Variants in DMD observed in about 807,000 individuals in gnomAD.
DMD encodes mutant dystrophin.
In DMD, 63 loss-of-function variants were observed where a neutral mutation model predicts 330.1. The ratio of observed to expected loss-of-function variants is 0.19; its 90% CI spans 0.16 to 0.24. The LOEUF (loss-of-function observed/expected upper bound fraction) is 0.24, where lower values mean the gene tolerates loss of function less well. Ranked by LOEUF, DMD falls within the 10% of genes least tolerant of loss-of-function variation. The pLI is 1.00. For missense variants in DMD, 3,344 were observed against 2,684.1 expected (o/e 1.25, Z -5.43); for synonymous variants, 1,223 against 959.8 (o/e 1.27, Z -5.07).
intron 2 of DMD, among the ~76,000 whole-genome samples, chrX:32,883,142 A>G (rs1452644663): frequency 8.9e-6 from 1 of 111,861 alleles, no homozygotes; most frequent in Non-Finnish European, 1.9e-5. Flanking sequence ...GCCAATCCAC[A>G]CTCTTAGTCA....
intron 51 of DMD, among the ~76,000 whole-genome samples, chrX:31,751,986 C>T (rs997799511): frequency 8.9e-6 from 1 of 111,888 alleles, no homozygotes; most frequent in African/African-American, 3.2e-5. Flanking sequence ...GCCTGCATTT[C>T]TTGGCTCTTG....
intron 9 of DMD, among the ~76,000 whole-genome samples, chrX:32,657,205 G>C (rs894178790): frequency 9.0e-6 from 1 of 110,798 alleles, no homozygotes; most frequent in Non-Finnish European, 1.9e-5. Context: ...ATAAAATCAA[G>C]AAGGAAGAAA....
intron 21 of DMD, among the ~76,000 whole-genome samples, chrX:32,478,337 A>T (rs1325368580): frequency 8.9e-6 from 1 of 111,906 alleles, no homozygotes; most frequent in East Asian, 2.8e-4. Context: ...TGAGCCTTTA[A>T]TTCCATGCCA....
At chrX:31,260,905 C>G in intron 63 of DMD, 50 bp downstream of exon 63, 1 of 1,131,954 alleles carries the variant, frequency 8.8e-7, no homozygotes, top group Non-Finnish European at 1.2e-6. Flanking sequence ...CTACTTTATC[C>G]TAAAGGTCAC....
intron 44 of DMD, among the ~76,000 whole-genome samples, chrX:32,138,114 A>T (rs2096735944): frequency 9.1e-6 from 1 of 110,435 alleles, no homozygotes; most frequent in Non-Finnish European, 1.9e-5. Flanking sequence ...CCCCAGTTGG[A>T]GACAAGAGCA....
intron 59 of DMD, among the ~76,000 whole-genome samples, chrX:31,452,475 C>G (rs778184868): frequency 7.3e-5 from 8 of 109,966 alleles, no homozygotes; most frequent in Non-Finnish European, 1.5e-4. Context: ...CCCAGCCACT[C>G]TGGAGGCTGA....
chrX:32,851,126 A>T (rs1009872215), intron 2 of DMD, among the ~76,000 whole-genome samples: 2 of 111,343 alleles, frequency 1.8e-5, no homozygotes, highest in African/African-American at 3.3e-5. Flanking sequence ...TGAATTTCAC[A>T]CAAGTCAAGA....
chrX:32,478,239 A>G (rs1169610134), intron 21 of DMD, among the ~76,000 whole-genome samples: 1 of 111,261 alleles, frequency 9.0e-6, no homozygotes, highest in Non-Finnish European at 1.9e-5. Flanking sequence ...TGAATTCCCC[A>G]TTATTACCTG....
rs1045287544 is a variant in DMD at position 32,036,991 on chromosome X, A to G, written c.6439-68477T>C. On this transcript the variant is annotated intron_variant, in intron 44 of 78. Coordinates refer to ENST00000357033, the MANE Select transcript of DMD (RefSeq NM_004006.3). The stretch of plus-strand genomic sequence containing the variant: ...AGTGTCCTTGATGAGAGTACCTCCC[A>G]TGAGCCTTTGCTGCTAGAAGTCAAT... Among the ~76,000 whole-genome samples the G allele has an allele frequency of 5.4e-5, 6 of 111,649 alleles. No individual in the cohort carries two copies. In the East Asian group the frequency reaches 1.4e-3, roughly 26 times the overall value.
intron 43 of DMD, among the ~76,000 whole-genome samples, chrX:32,268,758 C>T (rs1389143012): frequency 9.0e-6 from 1 of 111,699 alleles, no homozygotes; most frequent in Non-Finnish European, 1.9e-5. Flanking sequence ...AAGCACTTAA[C>T]TGGAGCAGAA....
chrX:32,298,630 G>C (rs1004188915), intron 42 of DMD, among the ~76,000 whole-genome samples: 6 of 110,444 alleles, frequency 5.4e-5, no homozygotes, highest in Non-Finnish European at 9.4e-5. Context: ...CTGATGTTTT[G>C]CTATATTCCC....
chrX:32,944,540 T>C (rs2090651276), intron 2 of DMD, among the ~76,000 whole-genome samples: 1 of 111,571 alleles, frequency 9.0e-6, no homozygotes, highest in Admixed American at 9.6e-5. Context: ...TTTTATTATA[T>C]ACACTTGAGC....
intron 43 of DMD, among the ~76,000 whole-genome samples, chrX:32,247,091 G>A (rs755772743): frequency 9.0e-6 from 1 of 111,516 alleles, no homozygotes; most frequent in South Asian, 3.8e-4. Context: ...CAAAGAAAGA[G>A]GTATTACTGT....
rs750492402 is a variant in DMD at position 32,517,997 on chromosome X, G to A, written c.2292+11C>T. ...AATGAGTACAGATATAAAAATTAAT[G>A]CATAACCTACATTGACTTTTTCTTT... On this transcript the variant is annotated intron_variant, in intron 18 of 78. Coordinates refer to ENST00000357033, the MANE Select transcript of DMD (RefSeq NM_004006.3). 1 of 1,209,449 alleles carries A rather than the reference G, an allele frequency of 8.3e-7. No homozygotes were observed. Among genetic ancestry groups the A allele is most frequent in the East Asian group, 3.0e-5 (1 of 33,796 alleles).
At chrX:32,085,651 T>TATAC (rs1160304843) in intron 44 of DMD, among the ~76,000 whole-genome samples, 7 of 47,243 alleles carry the variant, frequency 1.5e-4, no homozygotes, top group Non-Finnish European at 2.6e-4. Context: ...TATATATATG[T>TATAC]GTGTATATAT....
chrX:31,315,474 C>G (rs915760675), intron 62 of DMD, among the ~76,000 whole-genome samples: 1 of 112,351 alleles, frequency 8.9e-6, no homozygotes, highest in East Asian at 2.8e-4. Flanking sequence ...GATGTGACTA[C>G]TGGTTTTTTT....
intron 59 of DMD, among the ~76,000 whole-genome samples, chrX:31,451,551 G>A (rs750852373): frequency 9.1e-6 from 1 of 109,914 alleles, no homozygotes; most frequent in African/African-American, 3.3e-5. Context: ...CAAAGTGCTG[G>A]GATTACAGGC....
chrX:32,767,685 C>T (rs1261878137), intron 7 of DMD, among the ~76,000 whole-genome samples: 1 of 111,577 alleles, frequency 9.0e-6, no homozygotes, highest in South Asian at 3.7e-4. Context: ...TAAGCTAATG[C>T]TATTTTGTCA....
chrX:31,226,543 C>T (rs67718930), intron 63 of DMD, among the ~76,000 whole-genome samples: 10,280 of 111,560 alleles, frequency 0.092, 375 homozygotes, highest in South Asian at 0.12. Context: ...CTTTAGTGAG[C>T]AGAACTTGAT....
Sources: allele counts gnomAD v4.1 joint callset (sites outside exome capture counted in the v4.1 genomes callset), GRCh38; gene constraint gnomAD v4.1.1; transcripts MANE v1.5; gene names NCBI Gene and HGNC (gene_info 2026-07-23, HGNC 2026-07-21).